The following MKRN1 variants were observed in gnomAD, a reference collection of about 807,000 sequenced individuals.
MKRN1 encodes the protein makorin ring finger protein 1.
Under a neutral mutation model 55.5 loss-of-function variants are expected in MKRN1, and 9 were observed. That is an observed-to-expected ratio of 0.16 (90% confidence interval 0.10 to 0.28). The LOEUF is 0.28. Among genes scored for constraint, MKRN1 ranks in the 10% least tolerant of loss-of-function variants. The pLI is 1.00. For missense variants in MKRN1, 488 were observed against 626.7 expected (o/e 0.78, Z 2.36); for synonymous variants, 253 against 235.9 (o/e 1.07, Z -0.66).
intron 3 of MKRN1, 137 bp downstream of exon 3, chr7:140,459,569 TA>T: frequency 1.2e-6 from 1 of 811,292 alleles, no homozygotes. Flanking sequence ...AAATCTTAGG[TA>T]ATCCAAATTA....
At chr7:140,478,502 A>G (rs916590713) in intron 1 of MKRN1, 3 of 152,266 alleles carry the variant, frequency 2.0e-5, no homozygotes, top group African/African-American at 7.2e-5. Flanking sequence ...CGGGTGGAGA[A>G]GACGACCCCG....
At chr7:140,469,285 C>T (rs1230734596) in intron 2 of MKRN1, among the ~76,000 whole-genome samples, 1 of 151,440 alleles carries the variant, frequency 6.6e-6, no homozygotes, top group Non-Finnish European at 1.5e-5. Flanking sequence ...GAGATCCCAC[C>T]ACCGCACTCC....
At chr7:140,473,998 A>AG (rs1795018702) in intron 1 of MKRN1, among the ~76,000 whole-genome samples, 9 of 124,436 alleles carry the variant, frequency 7.2e-5, no homozygotes, top group African/African-American at 3.2e-4. Flanking sequence ...GTCTCAAAAA[A>AG]AAAAAAAAAA....
chr7:140,473,927 G>A (rs751979672), intron 1 of MKRN1: 5 of 149,764 alleles, frequency 3.3e-5, no homozygotes, highest in Non-Finnish European at 5.9e-5. Flanking sequence ...AGGAGATGGC[G>A]ATTGCACCGA....
chr7:140,460,686 A>T (rs1306448107), intron 2 of MKRN1, among the ~76,000 whole-genome samples: 1 of 152,192 alleles, frequency 6.6e-6, no homozygotes, highest in African/African-American at 2.4e-5. Flanking sequence ...ATGATTCTGC[A>T]TATTTAGTTA....
chr7:140,470,865 C>T (rs574424037), intron 2 of MKRN1, among the ~76,000 whole-genome samples: 41 of 151,904 alleles, frequency 2.7e-4, no homozygotes, highest in African/African-American at 8.2e-4. Flanking sequence ...TGCAGTGAGC[C>T]GAGATCTTGC....
intron 2 of MKRN1, among the ~76,000 whole-genome samples, chr7:140,471,531 G>A (rs767189745): frequency 6.6e-6 from 1 of 151,916 alleles, no homozygotes; most frequent in Non-Finnish European, 1.5e-5. Flanking sequence ...GCGCAGTGGC[G>A]GGCTCTTGGC....
chr7:140,463,405 C>T (rs1333932911), intron 2 of MKRN1, among the ~76,000 whole-genome samples: 1 of 152,220 alleles, frequency 6.6e-6, no homozygotes, highest in Non-Finnish European at 1.5e-5. Context: ...ACATCTAACT[C>T]TTCAGACTTA....
At position 140,453,040 on chromosome 7, in the gene MKRN1, G is replaced by C. The variant is rs896962134; in HGVS notation, c.*1477C>G. On this transcript the variant is annotated 3_prime_UTR_variant, in exon 8 of 8. Transcript: ENST00000255977. ...CATTTCAAAAACAGCTCATTACACAGAACAGCCAACTTTTTTTTTAATTGT... is the reference window on the plus strand; with the variant it reads ...CATTTCAAAAACAGCTCATTACACACAACAGCCAACTTTTTTTTTAATTGT... The C allele has an allele frequency of 1.3e-5, 2 of 152,652 alleles. No individual in the cohort carries two copies. The highest frequency in any genetic ancestry group is 1.9e-4 in the East Asian group (1 of 5,192). 9.5% of individuals were successfully genotyped at this position (152,652 alleles called of 1,614,324 possible). A position where few individuals can be genotyped will look rare whatever the true frequency, so the allele number is the denominator to read the frequency against.
intron 3 of MKRN1, 85 bp downstream of exon 3, chr7:140,459,622 G>A (rs2130263661): frequency 7.6e-7 from 1 of 1,312,236 alleles, no homozygotes; most frequent in East Asian, 2.3e-5. Context: ...AATAGAAGCA[G>A]AAAGGGGAAA....
Position 140,454,131 on chromosome 7 carries a change from T to C in MKRN1, c.*386A>G, listed in dbSNP as rs1307860188. ...TGGCCAGCTTAGGTCCCTTCACCCA[T>C]CACTCCTATTCTTGGACCCCAAAGC... On this transcript the variant is annotated 3_prime_UTR_variant, in exon 8 of 8. Transcript: ENST00000255977. 2 of 277,960 alleles carry C rather than the reference T, an allele frequency of 7.2e-6. No homozygotes were observed. Among genetic ancestry groups the C allele is most frequent in the African/African-American group, 4.4e-5 (2 of 45,908 alleles). 17.2% of individuals were successfully genotyped at this position (277,960 alleles called of 1,614,324 possible).
chr7:140,456,361 C>T, intron 5 of MKRN1: 1 of 1,274,900 alleles, frequency 7.8e-7, no homozygotes, highest in South Asian at 1.7e-5. Context: ...AGAGCTAGAT[C>T]AGTTTGTTCA....
At chr7:140,457,263 T>C (rs1448272195) in intron 4 of MKRN1, among the ~76,000 whole-genome samples, 2 of 152,014 alleles carry the variant, frequency 1.3e-5, no homozygotes, top group East Asian at 3.9e-4. Context: ...GCACGTAAAC[T>C]CTCTTATGCC....
rs749233455 is a variant in MKRN1, at chr7:140,456,699, G to C, written c.939C>G (p.Cys313Trp). The C allele has an allele frequency of 6.2e-7, 1 of 1,614,142 alleles. No homozygotes were observed. Among genetic ancestry groups the C allele is most frequent in the Non-Finnish European group, 8.5e-7 (1 of 1,180,008 alleles). The change falls in exon 5 of 8, where the codon TGC becomes TGG. Residue 313 changes from cysteine to tryptophan, a missense_variant. Physicochemically the swap from Cys to Trp is radical, Grantham distance 215 (BLOSUM62 -2). Around this residue, in one of 2 missense-constraint regions of MKRN1, gnomAD observed 278 missense variants for 406.7 expected, o/e 0.68. Transcript: ENST00000255977. ...GCTTAGCACTCCTCCACTTGCGAAT[G>C]CACTTGAGACAGTAGGTGTGGTTGC... ...SNCNHTYCLK[C>W]IRKWRSAKQF... is the part of the protein sequence containing the mutation.
chr7:140,455,005 G>T, intron 7 of MKRN1, 90 bp downstream of exon 7: 2 of 1,533,088 alleles, frequency 1.3e-6, no homozygotes, highest in Admixed American at 1.9e-5. Flanking sequence ...AGACCTGAGC[G>T]TTAACCTTCT....
chr7:140,479,032 C>A (rs1252894831), intron 1 of MKRN1, 128 bp downstream of exon 1: 4 of 1,143,100 alleles, frequency 3.5e-6, no homozygotes, highest in Non-Finnish European at 4.4e-6. Flanking sequence ...CTGCAGAGAT[C>A]GAGACAACGC....
At chr7:140,456,095 C>T (rs972434741) in intron 5 of MKRN1, 195 bp from the exon 6 acceptor site, 4 of 1,076,112 alleles carry the variant, frequency 3.7e-6, no homozygotes, top group Non-Finnish European at 2.4e-6. Context: ...ATAAATCCAA[C>T]TCAAGGGCTA....
intron 1 of MKRN1, among the ~76,000 whole-genome samples, chr7:140,472,821 A>G (rs1247079064): frequency 6.6e-6 from 1 of 151,854 alleles, no homozygotes; most frequent in Non-Finnish European, 1.5e-5. Context: ...TTACATAACA[A>G]AAAGAAAAAA....
At chr7:140,456,956 A>C in intron 4 of MKRN1, 90 bp from the exon 5 acceptor site, 2 of 1,286,138 alleles carry the variant, frequency 1.6e-6, no homozygotes, top group East Asian at 2.5e-5. Flanking sequence ...TCAAAGAATC[A>C]AATAGTCAAC....
Sources: gnomAD v4.1 joint callset for allele counts (sites outside exome capture counted in the v4.1 genomes callset) on GRCh38, gnomAD v4.1.1 for gene constraint, gnomAD v4.1.1 regional missense constraint, MANE v1.5 for transcripts, NCBI Gene and HGNC (gene_info 2026-07-23, HGNC 2026-07-21) for gene names.